USP15: variants seen among roughly 807,000 people sequenced by gnomAD.
The protein encoded by USP15 is ubiquitin carboxyl-terminal hydrolase 15.
USP15 carries 18 observed loss-of-function variants against 127.1 expected under a neutral mutation model. The ratio of observed to expected loss-of-function variants is 0.14; its 90% CI spans 0.10 to 0.21. The LOEUF is 0.21. USP15 is among the 10% of genes least tolerant of loss of function. The pLI is 1.00. For missense variants in USP15, 805 were observed against 1,159.9 expected (o/e 0.69, Z 4.44); for synonymous variants, 364 against 393.7 (o/e 0.92, Z 0.89).
chr12:62,389,232 G>A (rs779560554), intron 11 of USP15, among the ~76,000 whole-genome samples, 199 bp from the exon 12 acceptor site: 18 of 145,694 alleles, frequency 1.2e-4, no homozygotes, highest in Non-Finnish European at 2.1e-4. Context: ...TCTTTGAATT[G>A]AGGAGCCAAG....
intron 3 of USP15, among the ~76,000 whole-genome samples, chr12:62,309,370 G>A (rs1052822400): frequency 6.6e-6 from 1 of 152,056 alleles, no homozygotes; most frequent in Non-Finnish European, 1.5e-5. Context: ...TGTCAATACA[G>A]TAAGAAATAG....
chr12:62,387,389 G>A (rs984380921), intron 11 of USP15, among the ~76,000 whole-genome samples: 17 of 152,160 alleles, frequency 1.1e-4, no homozygotes, highest in African/African-American at 4.1e-4. Flanking sequence ...CAAATCAGGA[G>A]ACACTGTTGC....
intron 6 of USP15, among the ~76,000 whole-genome samples, chr12:62,338,280 T>A (rs895698940): frequency 1.3e-5 from 2 of 151,564 alleles, no homozygotes; most frequent in African/African-American, 4.8e-5. Flanking sequence ...ATGTCTTCTT[T>A]TGTGAATTGT....
chr12:62,273,563 A>G (rs1270278639), intron 1 of USP15, among the ~76,000 whole-genome samples: 1 of 152,100 alleles, frequency 6.6e-6, no homozygotes, highest in African/African-American at 2.4e-5. Context: ...GTAAATTTAG[A>G]ATTTATATCT....
chr12:62,327,197 C>G (rs1160671541), intron 6 of USP15, among the ~76,000 whole-genome samples: 1 of 146,160 alleles, frequency 6.8e-6, no homozygotes, highest in Non-Finnish European at 1.5e-5. Context: ...GTTTTCTATC[C>G]TTTTTTATCT....
intron 6 of USP15, among the ~76,000 whole-genome samples, chr12:62,344,871 A>G (rs1463268114): frequency 2.6e-5 from 4 of 152,210 alleles, no homozygotes; most frequent in African/African-American, 9.6e-5. Flanking sequence ...CCTTTTAGCC[A>G]TGGCCAGAGC....
chr12:62,381,427 A>G, intron 8 of USP15, 63 bp from the exon 9 acceptor site: 2 of 1,382,518 alleles, frequency 1.4e-6, no homozygotes, highest in Non-Finnish European at 1.9e-6. Flanking sequence ...CTTCATATTA[A>G]TGTGTTTTAA....
At chr12:62,301,551 A>G (rs12311279) in intron 2 of USP15, among the ~76,000 whole-genome samples, 34,103 of 152,066 alleles carry the variant, frequency 0.22, 4,169 homozygotes, top group African/African-American at 0.34. Context: ...ATAGATCTCA[A>G]AATAATTACA....
At chr12:62,318,768 C>G (rs1218973386) in intron 4 of USP15, among the ~76,000 whole-genome samples, 2 of 152,130 alleles carry the variant, frequency 1.3e-5, no homozygotes, top group Non-Finnish European at 2.9e-5. Context: ...AAACCTTAGG[C>G]TCTGTCATTC....
chr12:62,316,198 A>C (rs2064825227), intron 4 of USP15, among the ~76,000 whole-genome samples: 1 of 150,638 alleles, frequency 6.6e-6, no homozygotes, highest in African/African-American at 2.4e-5. Context: ...AGGCAAAAAA[A>C]TTGCTTGAAC....
At chr12:62,387,202 C>T (rs947209646) in intron 11 of USP15, among the ~76,000 whole-genome samples, 1 of 152,122 alleles carries the variant, frequency 6.6e-6, no homozygotes, top group Non-Finnish European at 1.5e-5. Context: ...AGAGAGACTG[C>T]TTTAGCTATA....
chr12:62,313,006 C>A (rs1005630979), intron 3 of USP15, among the ~76,000 whole-genome samples: 1 of 151,460 alleles, frequency 6.6e-6, no homozygotes, highest in African/African-American at 2.4e-5. Flanking sequence ...AGTTTGACAA[C>A]AAACTCATAT....
chr12:62,293,522 A>G (rs558242568), intron 1 of USP15, among the ~76,000 whole-genome samples: 2 of 151,962 alleles, frequency 1.3e-5, no homozygotes, highest in South Asian at 2.1e-4. Flanking sequence ...ATGCCTCCCA[A>G]TTTTTGTATT....
At chr12:62,264,714 G>A (rs1393035990) in intron 1 of USP15, among the ~76,000 whole-genome samples, 2 of 152,052 alleles carry the variant, frequency 1.3e-5, no homozygotes, top group African/African-American at 4.8e-5. Flanking sequence ...TTATGTTCGT[G>A]CAACTTTGAA....
intron 19 of USP15, among the ~76,000 whole-genome samples, chr12:62,394,960 A>C (rs2067441212): frequency 6.6e-6 from 1 of 152,190 alleles, no homozygotes; most frequent in South Asian, 2.1e-4. Flanking sequence ...CAAGAAGAAC[A>C]ACCAGAAATA....
At chr12:62,282,164 C>CA (rs2063668751) in intron 1 of USP15, among the ~76,000 whole-genome samples, 1 of 151,940 alleles carries the variant, frequency 6.6e-6, no homozygotes, top group South Asian at 2.1e-4. Context: ...CTCATCTCTA[C>CA]AAAAAATAAA....
intron 6 of USP15, among the ~76,000 whole-genome samples, chr12:62,344,881 C>G (rs1037670529): frequency 1.3e-5 from 2 of 152,212 alleles, no homozygotes; most frequent in African/African-American, 4.8e-5. Context: ...ATGGCCAGAG[C>G]AGCTGAAACA....
intron 7 of USP15, among the ~76,000 whole-genome samples, chr12:62,351,232 A>G (rs1293097783): frequency 6.6e-6 from 1 of 151,920 alleles, no homozygotes; most frequent in African/African-American, 2.4e-5. Context: ...GAAGACACTG[A>G]ATATTCAGAA....
rs559219775 is a variant in USP15, at chr12:62,407,511, C to T, written c.*3136C>T. 2.0e-5 allele frequency: 3 copies of T among 152,282 alleles called. No individual in the cohort carries two copies. The highest frequency in any genetic ancestry group is 2.1e-4 in the South Asian group (1 of 4,822). 9.4% of individuals were successfully genotyped at this position (152,282 alleles called of 1,614,324 possible). On this transcript the variant is annotated 3_prime_UTR_variant, in exon 22 of 22. Transcript: ENST00000280377. ...CTAAAAGTATATTTAGCTCAGTATT[C>T]GAGCATTGAATAAGAAAGTACCCAC...
Sources: gnomAD v4.1 joint callset for allele counts (sites outside exome capture counted in the v4.1 genomes callset) on GRCh38, gnomAD v4.1.1 for gene constraint, MANE v1.5 for transcripts, NCBI Gene and HGNC (gene_info 2026-07-23, HGNC 2026-07-21) for gene names.